Variants in SMYD3 observed in about 807,000 individuals in gnomAD.
The protein encoded by SMYD3 is histone-lysine N-methyltransferase SMYD3.
SMYD3 carries 36 observed loss-of-function variants against 57.7 expected under a neutral mutation model. The ratio of observed to expected loss-of-function variants is 0.62; its 90% CI spans 0.48 to 0.82. The LOEUF is 0.82. Among genes scored for constraint, SMYD3 ranks in the 40% least tolerant of loss-of-function variants. SMYD3 has a pLI of 0.00. For missense variants in SMYD3, 515 were observed against 538.8 expected, an observed-to-expected ratio of 0.96 and a Z score of 0.44; for synonymous variants, 211 against 195.0, an observed-to-expected ratio of 1.08 and a Z score of -0.68.
At chr1:246,040,332 A>T (rs2059846809) in intron 5 of SMYD3, among the ~76,000 whole-genome samples, 1 of 152,236 alleles carries the variant, frequency 6.6e-6, no homozygotes, top group Non-Finnish European at 1.5e-5. Context: ...ATCACAGCTT[A>T]TTCAGAAATT....
chr1:246,486,478 T>G (rs2068189795), intron 1 of SMYD3, among the ~76,000 whole-genome samples: 1 of 152,162 alleles, frequency 6.6e-6, no homozygotes, highest in South Asian at 2.1e-4. Flanking sequence ...TCTAAAATAT[T>G]TATTTCAGGG....
At chr1:246,078,373 C>T (rs1416486135) in intron 5 of SMYD3, among the ~76,000 whole-genome samples, 1 of 152,042 alleles carries the variant, frequency 6.6e-6, no homozygotes, top group Non-Finnish European at 1.5e-5. Context: ...ATAGTCTAAT[C>T]CCCAACCAGG....
intron 11 of SMYD3, among the ~76,000 whole-genome samples, chr1:245,750,473 T>G (rs1387009433): frequency 6.6e-6 from 1 of 152,194 alleles, no homozygotes; most frequent in Non-Finnish European, 1.5e-5. Flanking sequence ...TTCAGACGAT[T>G]CCAGCACCCA....
intron 5 of SMYD3, among the ~76,000 whole-genome samples, chr1:245,986,008 A>T (rs2058696644): frequency 6.6e-6 from 1 of 152,158 alleles, no homozygotes; most frequent in African/African-American, 2.4e-5. Context: ...ACTAAAAAGT[A>T]CTTTTATACA....
At chr1:246,365,715 A>C (rs1255157751) in intron 1 of SMYD3, among the ~76,000 whole-genome samples, 1 of 152,088 alleles carries the variant, frequency 6.6e-6, no homozygotes, top group East Asian at 1.9e-4. Flanking sequence ...GGTGGAAAAA[A>C]CTATGAGTGG....
At chr1:246,418,450 C>T (rs554279856) in intron 1 of SMYD3, among the ~76,000 whole-genome samples, 1 of 152,254 alleles carries the variant, frequency 6.6e-6, no homozygotes, top group East Asian at 1.9e-4. Flanking sequence ...GCTCCTGAAG[C>T]CCCAGTGGGC....
At chr1:246,031,018 T>C (rs10924454) in intron 5 of SMYD3, among the ~76,000 whole-genome samples, 4,418 of 152,214 alleles carry the variant, frequency 0.029, 223 homozygotes, top group African/African-American at 0.1. Flanking sequence ...CAAAACACTG[T>C]TTGAAAAAAT....
intron 1 of SMYD3, among the ~76,000 whole-genome samples, chr1:246,399,559 G>C (rs2148783334): frequency 6.6e-6 from 1 of 152,094 alleles, no homozygotes; most frequent in Admixed American, 6.5e-5. Flanking sequence ...GCCCAAGCCG[G>C]TCTCGAACTC....
intron 5 of SMYD3, among the ~76,000 whole-genome samples, chr1:246,248,722 A>T (rs1276447009): frequency 6.9e-6 from 1 of 145,938 alleles, no homozygotes; most frequent in Non-Finnish European, 1.5e-5. Context: ...GCTCACTGCA[A>T]GCTCTGTCTC....
At chr1:245,967,401 T>C (rs1227616634) in intron 5 of SMYD3, among the ~76,000 whole-genome samples, 1 of 152,238 alleles carries the variant, frequency 6.6e-6, no homozygotes, top group Non-Finnish European at 1.5e-5. Context: ...TAGACCTTCC[T>C]ATCAACTCAG....
chr1:246,015,956 A>G (rs980961732), intron 5 of SMYD3, among the ~76,000 whole-genome samples: 2 of 152,148 alleles, frequency 1.3e-5, no homozygotes, highest in Non-Finnish European at 2.9e-5. Context: ...TTTTATTTCT[A>G]ATGTTCTAAG....
intron 5 of SMYD3, among the ~76,000 whole-genome samples, chr1:246,252,876 G>A (rs893861195): frequency 6.6e-6 from 1 of 152,136 alleles, no homozygotes; most frequent in African/African-American, 2.4e-5. Flanking sequence ...TTCTATCACA[G>A]AGCACAGAAG....
chr1:246,302,706 A>G (rs995045607), intron 5 of SMYD3, among the ~76,000 whole-genome samples: 1 of 152,180 alleles, frequency 6.6e-6, no homozygotes, highest in Non-Finnish European at 1.5e-5. Context: ...AATTACTGCG[A>G]TGTGGAAACT....
intron 5 of SMYD3, among the ~76,000 whole-genome samples, chr1:245,967,473 G>A (rs1375960835): frequency 2.0e-5 from 3 of 152,178 alleles, no homozygotes; most frequent in Non-Finnish European, 4.4e-5. Context: ...AGCCATCCAA[G>A]AAAAGTCAAA....
intron 1 of SMYD3, among the ~76,000 whole-genome samples, chr1:246,400,783 T>C (rs928223107): frequency 1.3e-5 from 2 of 152,230 alleles, no homozygotes; most frequent in African/African-American, 4.8e-5. Flanking sequence ...ATATCAGCCA[T>C]GTAATAAAAT....
intron 5 of SMYD3, among the ~76,000 whole-genome samples, chr1:246,138,981 T>C (rs1053915997): frequency 6.6e-6 from 1 of 152,178 alleles, no homozygotes; most frequent in South Asian, 2.1e-4. Flanking sequence ...ACCCCTGGCC[T>C]GAGCTATACA....
In SMYD3 at chr1:246,012,497, T is replaced by C. The variant is rs182260575; in HGVS notation, c.532-82560A>G. Among the ~76,000 whole-genome samples the C allele has an allele frequency of 1.9e-4, 29 of 152,300 alleles. No homozygotes were observed. In the East Asian group the frequency reaches 3.5e-3, roughly 18 times the overall value. On this transcript the variant is annotated intron_variant, in intron 5 of 11. Transcript: ENST00000490107. ...TACATTTTCCCTGGCAAGAAACCTT[T>C]GCAGTTTGTGATTTCACCTTCCAGG...
intron 5 of SMYD3, among the ~76,000 whole-genome samples, chr1:246,311,654 C>T (rs1026343316): frequency 5.3e-5 from 8 of 152,196 alleles, no homozygotes; most frequent in Admixed American, 2.0e-4. Context: ...CATACACACA[C>T]GCGCACGCGC....
rs186988836 is a variant in SMYD3 at position 246,108,286 on chromosome 1, C to T, written c.532-178349G>A. On this transcript the variant is annotated intron_variant, in intron 5 of 11. Transcript: ENST00000490107. ...CTCTGACCTCAAGAAGTTTATAGTTCAGGGAAGTGACTGACAATCATAATA... is the reference window on the plus strand; with the variant it reads ...CTCTGACCTCAAGAAGTTTATAGTTTAGGGAAGTGACTGACAATCATAATA... Among the ~76,000 whole-genome samples the T allele has an allele frequency of 2.4e-3, 363 of 152,270 alleles. 5 individuals are homozygous for T. The highest frequency in any genetic ancestry group is 1.6e-3 in the Non-Finnish European group (110 of 68,014).
Sources: allele counts gnomAD v4.1 joint callset (sites outside exome capture counted in the v4.1 genomes callset), GRCh38; gene constraint gnomAD v4.1.1; transcripts MANE v1.5; gene names NCBI Gene and HGNC (gene_info 2026-07-23, HGNC 2026-07-21).